FRMD3: variants seen among roughly 807,000 people sequenced by gnomAD.
The protein encoded by FRMD3 is FERM domain-containing protein 3.
A neutral mutation model predicts 70.2 loss-of-function variants in FRMD3; 33 were observed. That is an observed-to-expected ratio of 0.47 (90% confidence interval 0.36 to 0.63). FRMD3 has a LOEUF of 0.63. Among genes scored for constraint, FRMD3 ranks in the 20% least tolerant of loss-of-function variants. The pLI, the probability that FRMD3 is intolerant of heterozygous loss-of-function variation, is 0.00. For missense variants in FRMD3, 632 were observed against 711.4 expected, an observed-to-expected ratio of 0.89 and a Z score of 1.27; for synonymous variants, 279 against 255.9, an observed-to-expected ratio of 1.09 and a Z score of -0.86.
At chr9:83,342,516 C>T (rs1052069899) in intron 5 of FRMD3, among the ~76,000 whole-genome samples, 3 of 152,102 alleles carry the variant, frequency 2.0e-5, no homozygotes, top group Non-Finnish European at 4.4e-5. Context: ...CCATGGTGAA[C>T]CATCCAGGAA....
chr9:83,559,004 T>C, the FRMD3 span, among the ~76,000 whole-genome samples: 2 of 152,246 alleles, frequency 1.3e-5, no homozygotes, highest in Admixed American at 1.3e-4. Flanking sequence ...GGATGCTTGA[T>C]ATGGACTTTA....
intron 10 of FRMD3, among the ~76,000 whole-genome samples, chr9:83,306,645 C>T (rs1175375805): frequency 6.6e-6 from 1 of 151,966 alleles, no homozygotes; most frequent in Non-Finnish European, 1.5e-5. Flanking sequence ...ATAACAATCT[C>T]CTGAGGACAG....
Position 83,430,381 on chromosome 9 carries a change from T to C in FRMD3, c.148-40673A>G, listed in dbSNP as rs1285612710. Among the ~76,000 whole-genome samples the C allele has an allele frequency of 2.6e-5, 4 of 152,266 alleles. No individual in the cohort carries two copies. The South Asian group carries it at 6.2e-4, about 24-fold the overall frequency. On this transcript the variant is annotated intron_variant, in intron 1 of 13. Coordinates refer to ENST00000304195, the MANE Select transcript of FRMD3 (RefSeq NM_174938.6). ...TGAGTGATCTGTACCAGCCACCATA[T>C]TGAGAAATTTTTATCCCTGTACATG... is the stretch of plus-strand genomic sequence containing the variant.
At chr9:83,337,215 C>G (rs763425282) in intron 5 of FRMD3, among the ~76,000 whole-genome samples, 19 of 152,178 alleles carry the variant, frequency 1.2e-4, no homozygotes, top group Admixed American at 2.6e-4. Context: ...ATTCTTCCCA[C>G]CCTTGAAGTG....
chr9:83,397,778 C>T (rs370057143), intron 1 of FRMD3, among the ~76,000 whole-genome samples: 48 of 152,134 alleles, frequency 3.2e-4, no homozygotes, highest in African/African-American at 1.1e-3. Context: ...TGGGAAAGAA[C>T]AGAATTGTCT....
At chr9:83,426,894 C>A (rs1232030863) in intron 1 of FRMD3, among the ~76,000 whole-genome samples, 1 of 152,140 alleles carries the variant, frequency 6.6e-6, no homozygotes, top group Non-Finnish European at 1.5e-5. Flanking sequence ...TGGAGGGAGC[C>A]AAGAGTTGTC....
chr9:83,438,665 G>A (rs1294156078), intron 1 of FRMD3, among the ~76,000 whole-genome samples: 4 of 152,200 alleles, frequency 2.6e-5, no homozygotes, highest in Admixed American at 6.5e-5. Flanking sequence ...CTCCCAAAGT[G>A]CTGAGATTAC....
Position 83,245,180 on chromosome 9 carries a change from C to CACAT in FRMD3, c.*2734_*2737dup. 5.1e-6 allele frequency: 5 copies of CACAT among 984,604 alleles called. No individual in the cohort carries two copies. Among genetic ancestry groups the CACAT allele is most frequent in the Non-Finnish European group, 6.0e-6 (5 of 829,266 alleles). The allele number at this position is 984,604 out of a possible 1,614,324, so 61.0% of individuals were successfully genotyped here. The stretch of plus-strand genomic sequence containing the variant: ...TATATGTTGTGTCTATTCAAAGACA[C>CACAT]ACATATATACAGATTCATATATAAA... On this transcript the variant is annotated 3_prime_UTR_variant, in exon 14 of 14. Coordinates refer to ENST00000304195, the MANE Select transcript of FRMD3 (RefSeq NM_174938.6).
chr9:83,472,558 G>A (rs1043654591), intron 1 of FRMD3, among the ~76,000 whole-genome samples: 8 of 152,110 alleles, frequency 5.3e-5, no homozygotes, highest in South Asian at 4.1e-4. Flanking sequence ...CCAAAGGAAC[G>A]CCACACCAGC....
intron 13 of FRMD3, among the ~76,000 whole-genome samples, chr9:83,254,595 A>T (rs1160974275): frequency 6.6e-6 from 1 of 151,950 alleles, no homozygotes; most frequent in African/African-American, 2.4e-5. Flanking sequence ...ATGAATCTAG[A>T]CGCTGAATTT....
At chr9:83,343,421 CT>C in intron 4 of FRMD3, 134 bp from the exon 5 acceptor site, 1 of 629,436 alleles carries the variant, frequency 1.6e-6, no homozygotes, top group Non-Finnish European at 2.9e-6. Flanking sequence ...ATGCCCAGCC[CT>C]TTGTAGAACA....
chr9:83,434,222 T>C (rs921623700), intron 1 of FRMD3, among the ~76,000 whole-genome samples: 1 of 152,240 alleles, frequency 6.6e-6, no homozygotes, highest in Non-Finnish European at 1.5e-5. Context: ...CTCAGTCCTC[T>C]GAGCCTCTGA....
In FRMD3 at chr9:83,349,716, G is replaced by T; in HGVS notation, c.337C>A (p.Pro113Thr). ...TCTTTAATCTTCAAGGGTTCATGTG[G>T]GTAGAATTTCACTCTAAAGCACATG... is the stretch of plus-strand genomic sequence containing the variant. ...YTMCFRVKFY[P>T]HEPLKIKEEL... is the part of the protein sequence containing the mutation. The change falls in exon 4 of 14, where the codon CCA (proline) becomes ACA (threonine). Residue 113 changes from proline (P) to threonine (T), a missense_variant. Around this residue, in one of 3 missense-constraint regions of FRMD3, gnomAD observed 208 missense variants for 247.7 expected, o/e 0.84. Coordinates refer to ENST00000304195, the MANE Select transcript of FRMD3 (RefSeq NM_174938.6). The T allele has an allele frequency of 6.2e-7, 1 of 1,612,386 alleles. No individual in the cohort carries two copies. Among genetic ancestry groups the T allele is most frequent in the Non-Finnish European group, 8.5e-7 (1 of 1,178,986 alleles).
chr9:83,443,503 G>A (rs7856100), intron 1 of FRMD3, among the ~76,000 whole-genome samples: 2 of 152,290 alleles, frequency 1.3e-5, no homozygotes, highest in Admixed American at 1.3e-4. Context: ...GCATTCCATG[G>A]TGCATATGTG....
the FRMD3 span, among the ~76,000 whole-genome samples, chr9:83,562,212 C>A: frequency 6.6e-6 from 1 of 152,132 alleles, no homozygotes; most frequent in African/African-American, 2.4e-5. Context: ...TAGAAGATCT[C>A]GCACAAATTG....
chr9:83,349,090 A>G (rs1463810285), intron 4 of FRMD3, among the ~76,000 whole-genome samples: 4 of 152,304 alleles, frequency 2.6e-5, no homozygotes, highest in African/African-American at 9.6e-5. Flanking sequence ...TCCTGCTCAC[A>G]ACATGTGCCC....
rs1453400106 is a variant in FRMD3, at chr9:83,246,384, T to C, written c.*1534A>G. The C allele has an allele frequency of 4.1e-6, 4 of 984,704 alleles. No individual in the cohort carries two copies. Among genetic ancestry groups the C allele is most frequent in the Non-Finnish European group, 4.8e-6 (4 of 829,364 alleles). The allele number at this position is 984,704 out of a possible 1,614,324, so 61.0% of individuals were successfully genotyped here. Reference sequence around the variant, plus strand: ...ATGGTACAATGCTCTAGTACCTTCCTTGATACCATTAAATTGTTGGATTAA... The same window carrying C: ...ATGGTACAATGCTCTAGTACCTTCCCTGATACCATTAAATTGTTGGATTAA... On this transcript the variant is annotated 3_prime_UTR_variant, in exon 14 of 14. Coordinates refer to ENST00000304195, the MANE Select transcript of FRMD3 (RefSeq NM_174938.6).
chr9:83,554,688 T>C, the FRMD3 span, among the ~76,000 whole-genome samples: 1 of 152,212 alleles, frequency 6.6e-6, no homozygotes, highest in African/African-American at 2.4e-5. Flanking sequence ...GCAGTTCCAC[T>C]GCAGAAGCAG....
At chr9:83,373,829 GCT>G (rs1825059159) in intron 2 of FRMD3, among the ~76,000 whole-genome samples, 1 of 152,194 alleles carries the variant, frequency 6.6e-6, no homozygotes, top group Non-Finnish European at 1.5e-5. Context: ...CATCCCACCT[GCT>G]TGATGCCGGA....
Sources: allele counts gnomAD v4.1 joint callset (sites outside exome capture counted in the v4.1 genomes callset), GRCh38; gene constraint gnomAD v4.1.1; regional missense constraint gnomAD v4.1.1; transcripts MANE v1.5; gene names NCBI Gene and HGNC (gene_info 2026-07-23, HGNC 2026-07-21).